ABCG8: variants seen among roughly 807,000 people sequenced by gnomAD.
The protein encoded by ABCG8 is ATP-binding cassette sub-family G member 8.
Under a neutral mutation model 71.3 loss-of-function variants are expected in ABCG8, and 81 were observed. The observed-to-expected ratio is 1.14, with a 90% CI of 0.95 to 1.37. The LOEUF is 1.37. Among genes scored for constraint, ABCG8 ranks in the 40% most tolerant of loss-of-function variants. The pLI, the probability that ABCG8 is intolerant of heterozygous loss-of-function variation, is 0.00. For missense variants in ABCG8, 1,119 were observed against 866.2 expected, an observed-to-expected ratio of 1.29 and a Z score of -3.66; for synonymous variants, 451 against 354.7, an observed-to-expected ratio of 1.27 and a Z score of -3.05.
chr2:43,876,069 C>T (rs931300176), intron 11 of ABCG8, among the ~76,000 whole-genome samples: 1 of 152,188 alleles, frequency 6.6e-6, no homozygotes, highest in African/African-American at 2.4e-5. Context: ...TACCATGCCA[C>T]CTCCATAGGA....
chr2:43,844,689 G>T (rs1224627834), intron 2 of ABCG8, 81 bp downstream of exon 2: 13 of 1,156,334 alleles, frequency 1.1e-5, no homozygotes, highest in Admixed American at 3.8e-5. Flanking sequence ...AAAAGGGTGG[G>T]CCCAACTTGC....
intron 3 of ABCG8, among the ~76,000 whole-genome samples, 193 bp from the exon 4 acceptor site, chr2:43,851,391 G>A (rs1474682110): frequency 6.6e-6 from 1 of 152,262 alleles, no homozygotes; most frequent in East Asian, 1.9e-4. Context: ...GTTGGCTGCA[G>A]ACAGAAGGCT....
intron 6 of ABCG8, among the ~76,000 whole-genome samples, chr2:43,864,800 A>G (rs1669462859): frequency 6.6e-6 from 1 of 151,456 alleles, no homozygotes; most frequent in Non-Finnish European, 1.5e-5. Flanking sequence ...CACTCTCTGT[A>G]TAAAACTCTC....
In ABCG8 at chr2:43,851,587, G is replaced by A. The variant is rs1037114607; in HGVS notation, c.326G>A (p.Cys109Tyr). Residue 109 changes from cysteine to tyrosine, a missense_variant, in exon 4 of 13, where the codon TGT becomes TAT. Transcript: ENST00000272286. ...QMLAIIGSSG[C>Y]GRASLLDVIT... ...GATATCCCTGGTGGCTTTGCAGGTT[G>A]TGGGAGAGCCTCCTTGCTAGATGTG... 3.1e-6 allele frequency: 5 copies of A among 1,614,136 alleles called. No homozygotes were observed. Among genetic ancestry groups the A allele is most frequent in the Non-Finnish European group, 4.2e-6 (5 of 1,180,044 alleles).
At position 43,852,660 on chromosome 2, in the gene ABCG8, G is replaced by T; in HGVS notation, c.756G>T (p.Val252=). 1 of 1,614,174 alleles carries T rather than the reference G, an allele frequency of 6.2e-7. No individual in the cohort carries two copies. The highest frequency in any genetic ancestry group is 8.5e-7 in the Non-Finnish European group (1 of 1,180,030). Residue 252 remains valine, a synonymous_variant, in exon 6 of 13, where the codon GTG becomes GTT. Transcript: ENST00000272286. ...GLDSFTAHNL[V]KTLSRLAKGN... ...ACAGCTTCACAGCCCACAACCTGGT[G>T]AAGACCTTGTCCAGGCTGGCCAAAG...
At chr2:43,852,225 G>C (rs1169301108) in intron 4 of ABCG8, 129 bp from the exon 5 acceptor site, 1 of 1,312,156 alleles carries the variant, frequency 7.6e-7, no homozygotes, top group Non-Finnish European at 1.1e-6. Context: ...TGGAACTCAA[G>C]TGCTGGAGCT....
Position 43,872,106 on chromosome 2 carries a change from G to A in ABCG8, c.1095G>A (p.Thr365=). The change falls in exon 7 of 13, where the codon ACG becomes ACA. Residue 365 remains threonine, a synonymous_variant. Transcript: ENST00000272286. Reference sequence around the variant, plus strand: ...ATGACTTTCTATGGAAAGCAGAGACGAAGGATCTTGACGAGGACACCTGTG... The same window carrying A: ...ATGACTTTCTATGGAAAGCAGAGACAAAGGATCTTGACGAGGACACCTGTG... ...DLDDFLWKAE[T]KDLDEDTCVE... The A allele has an allele frequency of 5.0e-6, 8 of 1,614,124 alleles. No homozygotes were observed. The highest frequency in any genetic ancestry group is 1.7e-5 in the Admixed American group (1 of 60,020).
intron 6 of ABCG8, among the ~76,000 whole-genome samples, chr2:43,853,561 C>T (rs1426571466): frequency 6.6e-6 from 1 of 152,290 alleles, no homozygotes; most frequent in Admixed American, 6.5e-5. Context: ...GTCGCCTGAG[C>T]CCCCAGCTTC....
At chr2:43,876,477 G>A (rs1226542227) in intron 11 of ABCG8, among the ~76,000 whole-genome samples, 1 of 151,902 alleles carries the variant, frequency 6.6e-6, no homozygotes, top group Non-Finnish European at 1.5e-5. Flanking sequence ...TGGGAATACG[G>A]GGAGACCATG....
At chr2:43,871,892 T>G in intron 6 of ABCG8, 84 bp from the exon 7 acceptor site, 1 of 1,580,448 alleles carries the variant, frequency 6.3e-7, no homozygotes, top group Non-Finnish European at 8.7e-7. Context: ...ATCAGCATTG[T>G]GAGCTGGGCG....
chr2:43,851,838 C>A lies in ABCG8; in HGVS notation c.561+16C>A, dbSNP rs1031864106. 1.5e-5 allele frequency: 25 copies of A among 1,613,082 alleles called. No individual in the cohort carries two copies. The highest frequency in any genetic ancestry group is 2.0e-5 in the Non-Finnish European group (24 of 1,179,426). On this transcript the variant is annotated intron_variant, in intron 4 of 12. Coordinates refer to ENST00000272286, the MANE Select transcript of ABCG8 (RefSeq NM_022437.3). ...TGACAAAAGGGTAACTAACTGGCCC[C>A]AGTGGTGACCCCCAGGTCCAAGAAG...
intron 6 of ABCG8, 97 bp from the exon 7 acceptor site, chr2:43,871,879 G>A (rs1483987269): frequency 3.2e-6 from 5 of 1,550,996 alleles, no homozygotes; most frequent in Non-Finnish European, 4.4e-6. Context: ...CCCACGAGGG[G>A]TGATCAGCAT....
At chr2:43,872,337 GCC>G (rs780503856) in intron 8 of ABCG8, 31 bp downstream of exon 8, 2 of 1,592,588 alleles carry the variant, frequency 1.3e-6, no homozygotes, top group Admixed American at 1.7e-5. Context: ...TACTGAACCC[GCC>G]CCCCTGCCCA....
In ABCG8 at chr2:43,880,627, C is replaced by T. The variant is rs1206808727; in HGVS notation, c.*2714C>T. On this transcript the variant is annotated 3_prime_UTR_variant, in exon 13 of 13. Coordinates refer to ENST00000272286, the MANE Select transcript of ABCG8 (RefSeq NM_022437.3). ...TGTGGAACATCTCTGCTCCCAGGCT[C>T]TCTCAGTGAACAGAGTTAGGGAGTG... 1 of 151,400 alleles carries T rather than the reference C, an allele frequency of 6.6e-6. No homozygotes were observed. The highest frequency in any genetic ancestry group is 1.5e-5 in the Non-Finnish European group (1 of 67,868). 9.4% of individuals were successfully genotyped at this position (151,400 alleles called of 1,614,324 possible).
At chr2:43,871,391 G>C (rs974060512) in intron 6 of ABCG8, among the ~76,000 whole-genome samples, 28 of 150,136 alleles carry the variant, frequency 1.9e-4, no homozygotes, top group Non-Finnish European at 3.3e-4. Flanking sequence ...TCACTATCTG[G>C]ATAGAATTCT....
At chr2:43,875,094 A>C in intron 10 of ABCG8, 52 bp from the exon 11 acceptor site, 1 of 1,613,434 alleles carries the variant, frequency 6.2e-7, no homozygotes, top group South Asian at 1.1e-5. Context: ...CGTTTATAAT[A>C]ATGGCAGTGA....
intron 6 of ABCG8, among the ~76,000 whole-genome samples, chr2:43,858,326 C>T (rs1669184593): frequency 6.7e-6 from 1 of 150,260 alleles, no homozygotes; most frequent in South Asian, 2.1e-4. Flanking sequence ...CACTATCTTT[C>T]TTGATAGAAC....
rs1414612473 is a variant in ABCG8, at chr2:43,851,588, T to C, written c.327T>C (p.Cys109=). 1 of 1,614,210 alleles carries C rather than the reference T, an allele frequency of 6.2e-7. No individual in the cohort carries two copies. The highest frequency in any genetic ancestry group is 1.3e-5 in the African/African-American group (1 of 75,056). The stretch of plus-strand genomic sequence containing the variant: ...ATATCCCTGGTGGCTTTGCAGGTTG[T>C]GGGAGAGCCTCCTTGCTAGATGTGA... ...QMLAIIGSSG[C]GRASLLDVIT... is the part of the protein sequence containing the mutation. The change falls in exon 4 of 13, where the codon TGT becomes TGC. Residue 109 remains cysteine, a synonymous_variant. Coordinates refer to ENST00000272286, the MANE Select transcript of ABCG8 (RefSeq NM_022437.3).
chr2:43,875,959 T>G (rs1572869242), intron 11 of ABCG8, among the ~76,000 whole-genome samples: 1 of 152,294 alleles, frequency 6.6e-6, no homozygotes. Flanking sequence ...GCCCAGCTAT[T>G]GTCTCTGGGA....
Sources: gnomAD v4.1 joint callset for allele counts (sites outside exome capture counted in the v4.1 genomes callset) on GRCh38, gnomAD v4.1.1 for gene constraint, MANE v1.5 for transcripts, NCBI Gene and HGNC (gene_info 2026-07-23, HGNC 2026-07-21) for gene names.